The following CERS6 variants were observed in gnomAD, a reference collection of about 807,000 sequenced individuals.
CERS6 encodes ceramide synthase 6.
A neutral mutation model predicts 56.8 loss-of-function variants in CERS6; 26 were observed. That is an observed-to-expected ratio of 0.46 (90% CI 0.34 to 0.63). The LOEUF is 0.63. CERS6 is among the 30% of genes least tolerant of loss of function. CERS6 has a pLI of 0.01. For synonymous variants in CERS6, 164 were observed against 173.3 expected (o/e 0.95, Z 0.42); for missense variants, 415 against 467.5 (o/e 0.89, Z 1.04).
At chr2:168,662,645 T>C (rs555555559) in intron 4 of CERS6, among the ~76,000 whole-genome samples, 2 of 152,232 alleles carry the variant, frequency 1.3e-5, no homozygotes, top group African/African-American at 4.8e-5. Context: ...GGCAGGAGAA[T>C]CGCTTGAACC....
chr2:168,750,526 G>A (rs1047649576), intron 8 of CERS6, among the ~76,000 whole-genome samples: 3 of 151,920 alleles, frequency 2.0e-5, no homozygotes, highest in African/African-American at 7.3e-5. Context: ...TTTTATAACT[G>A]CTTTTCTAAT....
chr2:168,519,194 C>A (rs1474016365), intron 1 of CERS6, among the ~76,000 whole-genome samples: 1 of 152,112 alleles, frequency 6.6e-6, no homozygotes, highest in Non-Finnish European at 1.5e-5. Flanking sequence ...CCTTAGAATG[C>A]TGGCCTTGGT....
chr2:168,532,779 A>G (rs1213644314), intron 1 of CERS6, among the ~76,000 whole-genome samples: 2 of 152,228 alleles, frequency 1.3e-5, no homozygotes, highest in Non-Finnish European at 2.9e-5. Flanking sequence ...TTTTTAAAGA[A>G]TATAAAGTAA....
At chr2:168,677,480 C>A (rs563175303) in intron 4 of CERS6, among the ~76,000 whole-genome samples, 1 of 152,144 alleles carries the variant, frequency 6.6e-6, no homozygotes, top group Non-Finnish European at 1.5e-5. Context: ...GGTAAACATA[C>A]ATGTGCATGT....
intron 8 of CERS6, among the ~76,000 whole-genome samples, chr2:168,749,881 C>G (rs927705959): frequency 6.6e-6 from 1 of 152,238 alleles, no homozygotes. Flanking sequence ...TCCTGCAGAG[C>G]AGGGTTACCC....
At chr2:168,603,416 A>C (rs543529150) in intron 3 of CERS6, among the ~76,000 whole-genome samples, 9 of 152,346 alleles carry the variant, frequency 5.9e-5, no homozygotes, top group African/African-American at 2.2e-4. Context: ...GAGAATGACT[A>C]TCAATAGGTA....
At chr2:168,581,743 T>A (rs1479923358) in intron 3 of CERS6, among the ~76,000 whole-genome samples, 1 of 152,180 alleles carries the variant, frequency 6.6e-6, no homozygotes, top group Non-Finnish European at 1.5e-5. Flanking sequence ...ACAATCTGTA[T>A]TTGACAGTTC....
In CERS6 at chr2:168,758,888, T is replaced by A. The variant is rs375426999; in HGVS notation, c.846-6704T>A. On this transcript the variant is annotated intron_variant, in intron 8 of 9. Transcript: ENST00000305747. ...TAATGCTTTAAGTCACAGTGATGCT[T>A]AGAATGCGAATCGGTACGGCCTTAA... Among the ~76,000 whole-genome samples, 18 of 152,244 alleles carry A rather than the reference T, an allele frequency of 1.2e-4. 1 individual carries two copies. Among genetic ancestry groups the A allele is most frequent in the Admixed American group, 3.9e-4 (6 of 15,292 alleles).
chr2:168,462,176 C>T (rs1000998866), intron 1 of CERS6, among the ~76,000 whole-genome samples: 50 of 152,286 alleles, frequency 3.3e-4, no homozygotes, highest in African/African-American at 1.2e-3. Context: ...ATAGTCGGGA[C>T]TTTCAAAATT....
At chr2:168,670,930 C>T (rs1001094327) in intron 4 of CERS6, among the ~76,000 whole-genome samples, 9 of 145,950 alleles carry the variant, frequency 6.2e-5, no homozygotes, top group Non-Finnish European at 1.4e-4. Context: ...GTACCTGTAA[C>T]GCTGCCTGGC....
intron 4 of CERS6, among the ~76,000 whole-genome samples, chr2:168,658,295 T>G (rs1685542654): frequency 6.6e-6 from 1 of 152,194 alleles, no homozygotes; most frequent in Admixed American, 6.5e-5. Flanking sequence ...CTTGACGAGA[T>G]CCCAAGGAAG....
chr2:168,687,187 T>C (rs1325273860), intron 4 of CERS6, among the ~76,000 whole-genome samples: 1 of 152,226 alleles, frequency 6.6e-6, no homozygotes, highest in Admixed American at 6.5e-5. Flanking sequence ...GGAGGCTGGA[T>C]GAGAAGCTTA....
At chr2:168,697,553 CT>C (rs113250500) in intron 6 of CERS6, among the ~76,000 whole-genome samples, 631 of 141,112 alleles carry the variant, frequency 4.5e-3, no homozygotes, top group Middle Eastern at 7.5e-3. Context: ...AACATTCTTC[CT>C]TTTTTTTTTT....
intron 1 of CERS6, among the ~76,000 whole-genome samples, chr2:168,532,373 C>G (rs1319906829): frequency 1.3e-5 from 2 of 151,966 alleles, no homozygotes; most frequent in Non-Finnish European, 2.9e-5. Context: ...CAGAGATTCT[C>G]TTAACTATAT....
At chr2:168,705,850 A>C (rs78601922) in intron 6 of CERS6, among the ~76,000 whole-genome samples, 251 of 152,294 alleles carry the variant, frequency 1.6e-3, no homozygotes, top group African/African-American at 5.1e-3. Flanking sequence ...GCAACAACAA[A>C]AAAAAAATGG....
intron 1 of CERS6, among the ~76,000 whole-genome samples, chr2:168,529,849 G>A (rs1427934200): frequency 6.6e-6 from 1 of 152,166 alleles, no homozygotes; most frequent in Non-Finnish European, 1.5e-5. Context: ...TGGAATTAAA[G>A]GATTAATGCA....
At chr2:168,616,410 G>T (rs1025561196) in intron 3 of CERS6, among the ~76,000 whole-genome samples, 1 of 152,094 alleles carries the variant, frequency 6.6e-6, no homozygotes, top group Admixed American at 6.6e-5. Context: ...AATGTAAATG[G>T]CCTAAGTGCT....
chr2:168,713,026 T>A lies in CERS6; in HGVS notation c.610-1975T>A, dbSNP rs140153683. ...TCTACTATAAGAGATCATTTACTTATATTTTTTGTCTGTTCTCCCCTACTA... is the reference window on the plus strand; with the variant it reads ...TCTACTATAAGAGATCATTTACTTAAATTTTTTGTCTGTTCTCCCCTACTA... On this transcript the variant is annotated intron_variant, in intron 6 of 9. Transcript: ENST00000305747. 2.6e-5 allele frequency among the ~76,000 whole-genome samples: 4 copies of A among 152,266 alleles called. No homozygotes were observed. In the East Asian group the frequency reaches 7.7e-4, roughly 29 times the overall value.
At chr2:168,550,878 C>G (rs979933101) in intron 2 of CERS6, among the ~76,000 whole-genome samples, 5 of 152,184 alleles carry the variant, frequency 3.3e-5, no homozygotes, top group Non-Finnish European at 7.3e-5. Flanking sequence ...CGGCCCTCCA[C>G]TGGGGGCTGA....
Sources: allele counts gnomAD v4.1 joint callset (sites outside exome capture counted in the v4.1 genomes callset), GRCh38; gene constraint gnomAD v4.1.1; transcripts MANE v1.5; gene names NCBI Gene and HGNC (gene_info 2026-07-23, HGNC 2026-07-21).